EXOC6B: variants seen among roughly 807,000 people sequenced by gnomAD.
EXOC6B encodes exocyst complex component 6B, also known as SEC15 homolog B.
Under a neutral mutation model 113.5 loss-of-function variants are expected in EXOC6B, and 54 were observed. The observed-to-expected ratio is 0.48, with a 90% CI of 0.38 to 0.60. EXOC6B has a LOEUF of 0.60. Ranked by LOEUF, EXOC6B falls within the 20% of genes least tolerant of loss-of-function variation. EXOC6B has a pLI of 0.00. For missense variants in EXOC6B, 797 were observed against 977.5 expected (o/e 0.82, Z 2.46); for synonymous variants, 357 against 339.0 (o/e 1.05, Z -0.58).
chr2:72,773,120 C>CTTTTTTTTTTTTTTTTTTTTTT lies in EXOC6B; in HGVS notation c.114-31673_114-31652dup, dbSNP rs1254377634. Among the ~76,000 whole-genome samples, 12 of 94,906 alleles carry CTTTTTTTTTTTTTTTTTTTTTT rather than the reference C, an allele frequency of 1.3e-4. 1 individual carries two copies. The highest frequency in any genetic ancestry group is 5.6e-4 in the African/African-American group (12 of 21,306). 62.3% of individuals were successfully genotyped at this position (94,906 alleles called of 152,430 possible). ...GCTAAGACAGTAGACCTTAGATTTT[C>CTTTTTTTTTTTTTTTTTTTTTT]TTTTTTTTTTTTTTTTTTTTTTGTG... On this transcript the variant is annotated intron_variant, in intron 1 of 21. Coordinates refer to ENST00000272427, the MANE Select transcript of EXOC6B (RefSeq NM_015189.3).
intron 6 of EXOC6B, among the ~76,000 whole-genome samples, chr2:72,603,727 G>A (rs912371136): frequency 6.6e-4 from 101 of 151,974 alleles, no homozygotes; most frequent in African/African-American, 2.4e-3. Context: ...AGTGCTTTGC[G>A]GCCCACTGTC....
At chr2:72,670,830 C>T (rs1675737000) in intron 6 of EXOC6B, among the ~76,000 whole-genome samples, 1 of 152,136 alleles carries the variant, frequency 6.6e-6, no homozygotes, top group African/African-American at 2.4e-5. Flanking sequence ...AGTTTCTGTG[C>T]TCAGTCCTTG....
In EXOC6B at chr2:72,398,696, CA is replaced by C. The variant is rs773438899; in HGVS notation, c.1981-18827del. On this transcript the variant is annotated intron_variant, in intron 18 of 21. Transcript: ENST00000272427. ...TGGGTGACAGAGCGAGACTCTATCT[CA>C]AAAAAAAAAAAAAAAACTGTCTCTC... 2.8e-3 allele frequency among the ~76,000 whole-genome samples: 280 copies of C among 98,540 alleles called. 2 individuals carry two copies. Among genetic ancestry groups the C allele is most frequent in the Middle Eastern group, 0.017 (3 of 174 alleles). 64.6% of individuals were successfully genotyped at this position (98,540 alleles called of 152,430 possible).
At chr2:72,569,335 A>G (rs1377412069) in intron 7 of EXOC6B, among the ~76,000 whole-genome samples, 2 of 151,528 alleles carry the variant, frequency 1.3e-5, no homozygotes, top group African/African-American at 4.9e-5. Flanking sequence ...GCACAACATT[A>G]TTTTTTTTTC....
chr2:72,744,962 A>G (rs552717447), intron 1 of EXOC6B, among the ~76,000 whole-genome samples: 1 of 152,312 alleles, frequency 6.6e-6, no homozygotes, highest in South Asian at 2.1e-4. Context: ...AGCTTGCTAT[A>G]TATAGGTCTT....
At chr2:72,206,038 G>A (rs1274174561) in intron 20 of EXOC6B, among the ~76,000 whole-genome samples, 2 of 152,148 alleles carry the variant, frequency 1.3e-5, no homozygotes, top group Non-Finnish European at 2.9e-5. Context: ...GAAACACAGG[G>A]GAAAAAGGAT....
intron 20 of EXOC6B, among the ~76,000 whole-genome samples, chr2:72,215,612 T>C (rs1364665767): frequency 6.6e-6 from 1 of 152,008 alleles, no homozygotes; most frequent in Non-Finnish European, 1.5e-5. Flanking sequence ...CTGGGACAGA[T>C]GATGGGTGCC....
At chr2:72,413,397 G>A (rs1694309922) in intron 18 of EXOC6B, among the ~76,000 whole-genome samples, 2 of 150,662 alleles carry the variant, frequency 1.3e-5, no homozygotes, top group Non-Finnish European at 3.0e-5. Flanking sequence ...TTTTTTAAGA[G>A]ATGGGGTCGG....
intron 6 of EXOC6B, among the ~76,000 whole-genome samples, chr2:72,655,093 T>C (rs1168508133): frequency 2.6e-5 from 4 of 152,202 alleles, no homozygotes; most frequent in African/African-American, 9.6e-5. Context: ...AGTATGGTTT[T>C]CCAACTTACG....
chr2:72,398,354 A>G (rs1027235896), intron 18 of EXOC6B, among the ~76,000 whole-genome samples: 1 of 152,054 alleles, frequency 6.6e-6, no homozygotes, highest in African/African-American at 2.4e-5. Context: ...TCAGACACAA[A>G]CTGAACCTAC....
At chr2:72,558,084 T>A (rs1703665915) in intron 8 of EXOC6B, among the ~76,000 whole-genome samples, 1 of 152,010 alleles carries the variant, frequency 6.6e-6, no homozygotes, top group Admixed American at 6.5e-5. Flanking sequence ...TACTGCAATA[T>A]TAAATTCAAT....
intron 20 of EXOC6B, among the ~76,000 whole-genome samples, chr2:72,265,653 T>C (rs1283631218): frequency 6.6e-6 from 1 of 151,570 alleles, no homozygotes; most frequent in African/African-American, 2.4e-5. Context: ...CAGTCTATCA[T>C]TGTTGGACAT....
chr2:72,614,311 G>A (rs774201598), intron 6 of EXOC6B, among the ~76,000 whole-genome samples: 2 of 152,140 alleles, frequency 1.3e-5, no homozygotes, highest in Non-Finnish European at 2.9e-5. Flanking sequence ...ACAGACACAT[G>A]ACTGCTTTGA....
intron 1 of EXOC6B, among the ~76,000 whole-genome samples, chr2:72,781,965 C>T (rs1684070251): frequency 6.6e-6 from 1 of 151,526 alleles, no homozygotes; most frequent in South Asian, 2.1e-4. Flanking sequence ...ATGGTGAAAC[C>T]CCATCTCTAC....
At chr2:72,396,135 A>G (rs893690000) in intron 18 of EXOC6B, among the ~76,000 whole-genome samples, 1 of 152,144 alleles carries the variant, frequency 6.6e-6, no homozygotes, top group Non-Finnish European at 1.5e-5. Flanking sequence ...ATGAAATGTA[A>G]ATATTTCACT....
intron 20 of EXOC6B, among the ~76,000 whole-genome samples, chr2:72,331,132 T>A (rs1016112798): frequency 6.6e-6 from 1 of 152,138 alleles, no homozygotes; most frequent in African/African-American, 2.4e-5. Context: ...GAAACATACA[T>A]AATGGCTTCA....
At chr2:72,296,062 G>A (rs892565204) in intron 20 of EXOC6B, among the ~76,000 whole-genome samples, 1 of 151,900 alleles carries the variant, frequency 6.6e-6, no homozygotes, top group Non-Finnish European at 1.5e-5. Context: ...CCCAGCAAGT[G>A]TTATAACAGA....
intron 18 of EXOC6B, among the ~76,000 whole-genome samples, chr2:72,394,611 A>T (rs1692606237): frequency 6.6e-6 from 1 of 152,176 alleles, no homozygotes; most frequent in African/African-American, 2.4e-5. Context: ...CTCTTTCCTC[A>T]ACTCCTGTTC....
intron 6 of EXOC6B, among the ~76,000 whole-genome samples, chr2:72,715,057 G>C (rs1444468905): frequency 6.6e-6 from 1 of 152,060 alleles, no homozygotes; most frequent in Non-Finnish European, 1.5e-5. Flanking sequence ...ACGAGGTCAA[G>C]AGATCGAGAC....
Sources: allele counts gnomAD v4.1 joint callset (sites outside exome capture counted in the v4.1 genomes callset), GRCh38; gene constraint gnomAD v4.1.1; transcripts MANE v1.5; gene names NCBI Gene and HGNC (gene_info 2026-07-23, HGNC 2026-07-21).